MAGI1: variants seen among roughly 807,000 people sequenced by gnomAD.
The protein encoded by MAGI1 is membrane-associated guanylate kinase, WW and PDZ domain-containing protein 1.
Under a neutral mutation model 139.9 loss-of-function variants are expected in MAGI1, and 58 were observed. That is an observed-to-expected ratio of 0.41 (90% CI 0.34 to 0.52). MAGI1 has a LOEUF of 0.52. Ranked by LOEUF, MAGI1 falls within the 20% of genes least tolerant of loss-of-function variation. The pLI is 0.12. For synonymous variants in MAGI1, 812 were observed against 737.9 expected (o/e 1.10, Z -1.63); for missense variants, 1,874 against 1,901.6 (o/e 0.99, Z 0.27).
At chr3:65,865,783 G>A (rs866892637) in intron 1 of MAGI1, among the ~76,000 whole-genome samples, 12 of 152,200 alleles carry the variant, frequency 7.9e-5, no homozygotes, top group Middle Eastern at 3.4e-3. Flanking sequence ...TGGGATCACC[G>A]GCATTCGCCA....
intron 1 of MAGI1, among the ~76,000 whole-genome samples, chr3:65,786,689 G>T (rs1378995937): frequency 1.4e-5 from 2 of 146,602 alleles, no homozygotes; most frequent in African/African-American, 5.1e-5. Flanking sequence ...TCCGCTCACT[G>T]CAAGCTCTGC....
At chr3:65,504,480 A>G (rs1193612587) in intron 2 of MAGI1, among the ~76,000 whole-genome samples, 1 of 152,188 alleles carries the variant, frequency 6.6e-6, no homozygotes, top group Non-Finnish European at 1.5e-5. Flanking sequence ...ACAGCTGGTA[A>G]GTGTCAGGAC....
chr3:65,725,099 T>C (rs2033458301), intron 1 of MAGI1, among the ~76,000 whole-genome samples: 2 of 152,200 alleles, frequency 1.3e-5, no homozygotes, highest in Non-Finnish European at 2.9e-5. Flanking sequence ...AATATTTCAA[T>C]ATGCTTAGAA....
chr3:65,771,458 G>A (rs938885771), intron 1 of MAGI1, among the ~76,000 whole-genome samples: 12 of 152,054 alleles, frequency 7.9e-5, no homozygotes, highest in African/African-American at 2.9e-4. Context: ...ACAGAACACA[G>A]GGAAACATAG....
At chr3:65,473,153 A>G (rs1950656463) in intron 4 of MAGI1, among the ~76,000 whole-genome samples, 1 of 152,106 alleles carries the variant, frequency 6.6e-6, no homozygotes, top group Admixed American at 6.6e-5. Context: ...CAGCAAAAGT[A>G]CCTCTATCTT....
At chr3:65,949,204 C>T (rs962727150) in intron 1 of MAGI1, among the ~76,000 whole-genome samples, 5 of 152,232 alleles carry the variant, frequency 3.3e-5, no homozygotes, top group African/African-American at 9.6e-5. Flanking sequence ...CTTCCCATCA[C>T]CTGCATAATA....
chr3:65,707,874 A>G (rs2030652173), intron 1 of MAGI1, among the ~76,000 whole-genome samples: 2 of 152,212 alleles, frequency 1.3e-5, no homozygotes, highest in African/African-American at 4.8e-5. Flanking sequence ...CAATAAAATT[A>G]GGAGGTCGCT....
chr3:65,950,053 A>AC (rs2063726972), intron 1 of MAGI1, among the ~76,000 whole-genome samples: 2 of 33,756 alleles, frequency 5.9e-5, no homozygotes, highest in Non-Finnish European at 1.8e-4. Flanking sequence ...TCAAAAAAAA[A>AC]AAAAACAAAA....
intron 1 of MAGI1, among the ~76,000 whole-genome samples, chr3:65,956,939 C>A (rs1175588989): frequency 6.6e-6 from 1 of 152,022 alleles, no homozygotes; most frequent in African/African-American, 2.4e-5. Flanking sequence ...GAGGGAGAAG[C>A]TGCAGTGAGC....
At chr3:65,398,551 C>T (rs548673358) in intron 13 of MAGI1, among the ~76,000 whole-genome samples, 20 of 152,012 alleles carry the variant, frequency 1.3e-4, no homozygotes, top group African/African-American at 2.9e-4. Flanking sequence ...TGAATTCATA[C>T]GAAAACGGTG....
chr3:65,820,028 C>A (rs1461755118), intron 1 of MAGI1, among the ~76,000 whole-genome samples: 1 of 151,070 alleles, frequency 6.6e-6, no homozygotes, highest in Non-Finnish European at 1.5e-5. Context: ...AAGAATCATC[C>A]CACTGGACAA....
chr3:65,910,961 G>A (rs78714340), intron 1 of MAGI1, among the ~76,000 whole-genome samples: 3,519 of 144,096 alleles, frequency 0.024, 84 homozygotes, highest in East Asian at 0.074. Flanking sequence ...GGGTTCAAGC[G>A]ATTCTCCTGC....
At chr3:66,001,831 A>G (rs1427219849) in intron 1 of MAGI1, among the ~76,000 whole-genome samples, 1 of 152,252 alleles carries the variant, frequency 6.6e-6, no homozygotes, top group African/African-American at 2.4e-5. Context: ...TTGCTTGTCC[A>G]CAGGCCAAGC....
At chr3:65,604,705 A>T (rs1276638719) in intron 2 of MAGI1, among the ~76,000 whole-genome samples, 1 of 152,116 alleles carries the variant, frequency 6.6e-6, no homozygotes, top group East Asian at 1.9e-4. Context: ...AATTGCCACA[A>T]ATGTGTGAAG....
intron 1 of MAGI1, among the ~76,000 whole-genome samples, chr3:65,849,846 T>G (rs978851836): frequency 6.6e-6 from 1 of 152,162 alleles, no homozygotes; most frequent in East Asian, 1.9e-4. Context: ...CACTAAAGAT[T>G]TGATGTCAGT....
intron 1 of MAGI1, among the ~76,000 whole-genome samples, chr3:65,971,426 GA>G (rs2065009069): frequency 2.0e-5 from 3 of 152,148 alleles, no homozygotes; most frequent in Admixed American, 2.0e-4. Context: ...ATTCTAAAGA[GA>G]TGCAATTTGA....
chr3:65,944,382 G>A (rs1043447901), intron 1 of MAGI1, among the ~76,000 whole-genome samples: 1 of 152,012 alleles, frequency 6.6e-6, no homozygotes, highest in Admixed American at 6.6e-5. Context: ...AGATGGATGT[G>A]GGGTACGTGC....
At chr3:65,622,384 C>T (rs1193660488) in intron 1 of MAGI1, among the ~76,000 whole-genome samples, 1 of 152,186 alleles carries the variant, frequency 6.6e-6, no homozygotes, top group Non-Finnish European at 1.5e-5. Flanking sequence ...GTGCCATAGA[C>T]ACTTGCAGAC....
intron 1 of MAGI1, among the ~76,000 whole-genome samples, chr3:65,673,406 A>C (rs1394053168): frequency 6.6e-6 from 1 of 152,198 alleles, no homozygotes. Context: ...CATGTATAAA[A>C]TATTTATAGT....
Sources: allele counts gnomAD v4.1 joint callset (sites outside exome capture counted in the v4.1 genomes callset), GRCh38; gene constraint gnomAD v4.1.1; transcripts MANE v1.5; gene names NCBI Gene and HGNC (gene_info 2026-07-23, HGNC 2026-07-21).